SPON1: variants seen among roughly 807,000 people sequenced by gnomAD.
The protein encoded by SPON1 is spondin 1.
SPON1 carries 52 observed loss-of-function variants against 111.7 expected under a neutral mutation model. That is an observed-to-expected ratio of 0.47 (90% CI 0.37 to 0.59). The LOEUF is 0.59. Among genes scored for constraint, SPON1 ranks in the 20% least tolerant of loss-of-function variants. SPON1 has a pLI of 0.00. For missense variants in SPON1, 957 were observed against 1,068.5 expected (o/e 0.90, Z 1.46); for synonymous variants, 410 against 395.8 (o/e 1.04, Z -0.43).
chr11:14,154,207 G>A (rs559349141), intron 6 of SPON1, among the ~76,000 whole-genome samples: 1 of 152,226 alleles, frequency 6.6e-6, no homozygotes, highest in South Asian at 2.1e-4. Flanking sequence ...CCCCAGTAAG[G>A]ATACTGTGTG....
chr11:14,178,448 A>G (rs1848204073), intron 6 of SPON1, among the ~76,000 whole-genome samples: 1 of 151,998 alleles, frequency 6.6e-6, no homozygotes, highest in South Asian at 2.1e-4. Context: ...GGAAGTCACA[A>G]ACAACACAGA....
intron 3 of SPON1, among the ~76,000 whole-genome samples, chr11:14,042,407 C>A (rs1189653628): frequency 6.7e-6 from 1 of 149,610 alleles, no homozygotes; most frequent in Non-Finnish European, 1.5e-5. Context: ...AAAAAAAAAT[C>A]TGTTTAATTT....
At chr11:14,128,958 G>A (rs1196969354) in intron 5 of SPON1, among the ~76,000 whole-genome samples, 24 of 152,230 alleles carry the variant, frequency 1.6e-4, no homozygotes, top group African/African-American at 5.8e-4. Context: ...TGAGCAGCTG[G>A]GACAGAAGGC....
rs1195036769 is a variant in SPON1 at position 13,962,765 on chromosome 11, G to C, written c.-140G>C. The C allele has an allele frequency of 1.3e-6, 1 of 751,766 alleles. No individual in the cohort carries two copies. The highest frequency in any genetic ancestry group is 2.0e-6 in the Non-Finnish European group (1 of 502,638). The allele number at this position is 751,766 out of a possible 1,614,324, so 46.6% of individuals were successfully genotyped here. A position where few individuals can be genotyped will look rare whatever the true frequency, so the allele number is the denominator to read the frequency against. ...CGGCCGCCAAGCCGAGGCGGGCACG[G>C]TCTCCGAGTCGCGGACGCCAGCTCC... On this transcript the variant is annotated 5_prime_UTR_variant, in exon 1 of 16. Coordinates refer to ENST00000576479, the MANE Select transcript of SPON1 (RefSeq NM_006108.4).
Position 14,036,259 on chromosome 11 carries a change from T to C in SPON1, c.346-5262T>C, listed in dbSNP as rs1554916620. Among the ~76,000 whole-genome samples the C allele has an allele frequency of 2.0e-5, 3 of 152,326 alleles. No individual in the cohort carries two copies. In the South Asian group the frequency reaches 6.2e-4, roughly 32 times the overall value. On this transcript the variant is annotated intron_variant, in intron 2 of 15. Coordinates refer to ENST00000576479, the MANE Select transcript of SPON1 (RefSeq NM_006108.4). ...TGTGGCTTGCAGTATAGATAACAAA[T>C]TGGAGAAAGACGAGAGAGTATATAA...
intron 6 of SPON1, among the ~76,000 whole-genome samples, chr11:14,220,672 T>G (rs894977793): frequency 3.9e-5 from 6 of 152,226 alleles, no homozygotes; most frequent in Non-Finnish European, 8.8e-5. Context: ...GATCTATGAC[T>G]TACAGGTAAT....
At chr11:14,227,957 G>A (rs1271173178) in intron 6 of SPON1, among the ~76,000 whole-genome samples, 1 of 152,206 alleles carries the variant, frequency 6.6e-6, no homozygotes, top group African/African-American at 2.4e-5. Context: ...TTAAATATGT[G>A]CAAAGATAAC....
At chr11:14,248,372 T>A (rs1849016748) in intron 7 of SPON1, among the ~76,000 whole-genome samples, 1 of 152,116 alleles carries the variant, frequency 6.6e-6, no homozygotes, top group South Asian at 2.1e-4. Context: ...AGCATTTTTT[T>A]TTTCTTTTTT....
At chr11:14,044,968 A>G (rs1554917698) in intron 3 of SPON1, among the ~76,000 whole-genome samples, 2 of 152,238 alleles carry the variant, frequency 1.3e-5, no homozygotes, top group African/African-American at 2.4e-5. Flanking sequence ...CTGGTGTCTT[A>G]CTATGACAAA....
intron 5 of SPON1, among the ~76,000 whole-genome samples, chr11:14,124,075 C>G (rs554609151): frequency 2.6e-5 from 4 of 152,258 alleles, no homozygotes; most frequent in African/African-American, 9.6e-5. Context: ...CTCTTCTCTG[C>G]TTCACATTGC....
intron 6 of SPON1, among the ~76,000 whole-genome samples, chr11:14,148,158 C>T (rs1564915706): frequency 2.6e-5 from 4 of 152,064 alleles, no homozygotes; most frequent in Admixed American, 2.6e-4. Context: ...AATTAAATAT[C>T]CATGAATAGG....
intron 5 of SPON1, among the ~76,000 whole-genome samples, chr11:14,129,200 G>A (rs1847498626): frequency 6.6e-6 from 1 of 151,896 alleles, no homozygotes; most frequent in African/African-American, 2.4e-5. Flanking sequence ...CACATAGGCT[G>A]CAAATTTTCC....
intron 2 of SPON1, among the ~76,000 whole-genome samples, chr11:13,994,677 TGA>T (rs1218531255): frequency 6.6e-6 from 1 of 152,212 alleles, no homozygotes; most frequent in Non-Finnish European, 1.5e-5. Context: ...GAGTACAAGA[TGA>T]GAGATTTGGA....
At chr11:14,177,588 A>G (rs1848192363) in intron 6 of SPON1, among the ~76,000 whole-genome samples, 1 of 152,144 alleles carries the variant, frequency 6.6e-6, no homozygotes, top group Admixed American at 6.5e-5. Context: ...AGAAACTTGT[A>G]GCCTCCAGCT....
At chr11:14,088,968 T>C (rs1564902489) in intron 5 of SPON1, among the ~76,000 whole-genome samples, 1 of 152,074 alleles carries the variant, frequency 6.6e-6, no homozygotes. Flanking sequence ...GCTGTGTTTT[T>C]CAGCTCCATC....
At chr11:14,257,121 GCCAGACAAC>G (rs2133925185) in intron 10 of SPON1, among the ~76,000 whole-genome samples, 1 of 152,320 alleles carries the variant, frequency 6.6e-6, no homozygotes, top group East Asian at 1.9e-4. Flanking sequence ...GGGATCTGGA[GCCAGACAAC>G]CTGGACTCTC....
At chr11:14,062,313 G>A (rs782460657) in intron 3 of SPON1, among the ~76,000 whole-genome samples, 17 of 152,132 alleles carry the variant, frequency 1.1e-4, no homozygotes, top group Non-Finnish European at 1.9e-4. Flanking sequence ...TTGATCCCTG[G>A]TGTAATCAAT....
chr11:14,177,508 G>C (rs1251615913), intron 6 of SPON1, among the ~76,000 whole-genome samples: 2 of 152,210 alleles, frequency 1.3e-5, no homozygotes, highest in African/African-American at 4.8e-5. Flanking sequence ...GGTGGGGCCA[G>C]CTGGTCCATC....
At chr11:14,084,396 G>A (rs1167326025) in intron 5 of SPON1, among the ~76,000 whole-genome samples, 2 of 152,184 alleles carry the variant, frequency 1.3e-5, no homozygotes. Flanking sequence ...AGAACATGCT[G>A]TGTTTGGTTT....
Sources: gnomAD v4.1 joint callset for allele counts (sites outside exome capture counted in the v4.1 genomes callset) on GRCh38, gnomAD v4.1.1 for gene constraint, MANE v1.5 for transcripts, NCBI Gene and HGNC (gene_info 2026-07-23, HGNC 2026-07-21) for gene names.